The following SLC38A6 variants were observed in gnomAD, a reference collection of about 807,000 sequenced individuals.
The protein encoded by SLC38A6 is solute carrier family 38 member 6.
Under a neutral mutation model 65.0 loss-of-function variants are expected in SLC38A6, and 73 were observed. That is an observed-to-expected ratio of 1.12 (90% CI 0.93 to 1.37). The LOEUF (loss-of-function observed/expected upper bound fraction) is 1.37, where lower values mean the gene tolerates loss of function less well. Ranked by LOEUF, SLC38A6 falls within the 40% of genes most tolerant of loss-of-function variation. SLC38A6 has a pLI of 0.00. For synonymous variants in SLC38A6, 183 were observed against 178.8 expected (o/e 1.02, Z -0.19); for missense variants, 561 against 531.1 (o/e 1.06, Z -0.55).
intron 2 of SLC38A6, among the ~76,000 whole-genome samples, chr14:60,984,435 CT>C (rs2037301094): frequency 2.6e-5 from 4 of 151,434 alleles, no homozygotes; most frequent in Non-Finnish European, 5.9e-5. Context: ...TATTTAATGG[CT>C]GATTCAGCAG....
chr14:61,014,824 G>A (rs1311183613), intron 3 of SLC38A6, among the ~76,000 whole-genome samples: 5 of 152,160 alleles, frequency 3.3e-5, no homozygotes, highest in Admixed American at 1.3e-4. Context: ...TAGGCTCCTC[G>A]GGGGTCAGGG....
intron 12 of SLC38A6, chr14:61,048,168 G>A (rs1261175928): frequency 6.6e-6 from 3 of 453,016 alleles, no homozygotes; most frequent in African/African-American, 4.0e-5. Context: ...GGAGCTTTGT[G>A]TCATAGGAAG....
intron 15 of SLC38A6, among the ~76,000 whole-genome samples, chr14:61,075,831 G>A (rs1485024479): frequency 2.0e-5 from 2 of 102,180 alleles, no homozygotes; most frequent in Non-Finnish European, 4.3e-5. Context: ...GTGTGTGTGT[G>A]TATGTATTTG....
At chr14:60,981,457 A>C (rs1258535432) in intron 1 of SLC38A6, 75 bp downstream of exon 1, 1 of 1,544,692 alleles carries the variant, frequency 6.5e-7, no homozygotes, top group Admixed American at 2.0e-5. Flanking sequence ...TAAGACCCAG[A>C]AAAGGAGGAC....
chr14:60,982,158 T>A, intron 1 of SLC38A6: 1 of 463,122 alleles, frequency 2.2e-6, no homozygotes, highest in East Asian at 6.8e-5. Flanking sequence ...TCAGCAATTC[T>A]TTAGTAATCA....
rs747708193 is a variant in SLC38A6, at chr14:60,984,760, T to C, written c.267T>C (p.Ala89=). 1 of 1,614,048 alleles carries C rather than the reference T, an allele frequency of 6.2e-7. No individual in the cohort carries two copies. Among genetic ancestry groups the C allele is most frequent in the South Asian group, 1.1e-5 (1 of 91,080 alleles). Residue 89 remains alanine, a synonymous_variant, in exon 3 of 16, where the codon GCT becomes GCC. Coordinates refer to ENST00000267488, the MANE Select transcript of SLC38A6 (RefSeq NM_153811.3). ...TGCTGCTGACAGTTGCTCTCCTGGCTTCTTACTCAGTCCATCTTCTGCTTA... is the reference window on the plus strand; with the variant it reads ...TGCTGCTGACAGTTGCTCTCCTGGCCTCTTACTCAGTCCATCTTCTGCTTA... The part of the protein sequence containing the change: ...SFLLLTVALL[A]SYSVHLLLSM...
chr14:61,044,474 G>T (rs1041160886), intron 10 of SLC38A6, among the ~76,000 whole-genome samples: 10 of 152,122 alleles, frequency 6.6e-5, no homozygotes, highest in African/African-American at 2.2e-4. Context: ...CATTTTCCTA[G>T]TCCAGCCTCA....
At chr14:61,053,721 A>G (rs183222933), downstream of SLC38A6, among the ~76,000 whole-genome samples, 21 of 152,236 alleles carry the variant, frequency 1.4e-4, no homozygotes, top group African/African-American at 5.1e-4. Context: ...TCCTTTGCCC[A>G]CTTTTTAATG....
At chr14:61,068,793 A>G (rs2043116975) in intron 15 of SLC38A6, among the ~76,000 whole-genome samples, 1 of 152,180 alleles carries the variant, frequency 6.6e-6, no homozygotes, top group Non-Finnish European at 1.5e-5. Context: ...TTTATAACCA[A>G]ATCCTCAGAG....
chr14:61,052,267 A>G, intron 15 of SLC38A6, 82 bp from the exon 16 acceptor site: 1 of 1,332,656 alleles, frequency 7.5e-7, no homozygotes. Flanking sequence ...GAGAGTAGAG[A>G]TTTAACAAAT....
At chr14:60,994,766 G>A (rs1357066979) in intron 3 of SLC38A6, among the ~76,000 whole-genome samples, 5 of 150,272 alleles carry the variant, frequency 3.3e-5, no homozygotes, top group African/African-American at 9.8e-5. Context: ...CACTTTGGGA[G>A]GCCGAGGTGG....
chr14:61,054,862 G>A (rs183790650), downstream of SLC38A6, among the ~76,000 whole-genome samples: 2 of 152,082 alleles, frequency 1.3e-5, no homozygotes, highest in East Asian at 1.9e-4. Flanking sequence ...TCTTTCTCTT[G>A]CCTGACTGCT....
intron 15 of SLC38A6, among the ~76,000 whole-genome samples, chr14:61,063,975 A>T (rs540109908): frequency 7.1e-4 from 108 of 152,380 alleles, no homozygotes; most frequent in Non-Finnish European, 1.1e-3. Context: ...ATCTGGACCA[A>T]TGAAATGAGT....
intron 15 of SLC38A6, among the ~76,000 whole-genome samples, chr14:61,062,606 C>T (rs1224588505): frequency 6.6e-6 from 1 of 151,994 alleles, no homozygotes; most frequent in Non-Finnish European, 1.5e-5. Flanking sequence ...GGACTGCAGG[C>T]ACATACCACC....
At chr14:61,034,181 A>T (rs2041187330) in intron 6 of SLC38A6, 1 of 152,122 alleles carries the variant, frequency 6.6e-6, no homozygotes, top group Non-Finnish European at 1.5e-5. Context: ...GACATAAATG[A>T]ATTGTGATCT....
rs1328299739 is a variant in SLC38A6 at position 60,981,351 on chromosome 14, A to G, written c.74A>G (p.Glu25Gly). The change falls in exon 1 of 16, where the codon GAG becomes GGG. Residue 25 changes from glutamate to glycine, a missense_variant. Physicochemically the swap from Glu to Gly is moderately conservative, Grantham distance 98. Coordinates refer to ENST00000267488, the MANE Select transcript of SLC38A6 (RefSeq NM_153811.3). ...TCTGTCCAGCAGCCTGAAGAAGCGG[A>G]GGCCGAAGAGTTGAGTCCGTTGCTA... ...YVSVQQPEEA[E>G]AEELSPLLSN... 6 of 1,609,068 alleles carry G rather than the reference A, an allele frequency of 3.7e-6. No homozygotes were observed. The Admixed American group carries it at 1.0e-4, about 27-fold the overall frequency.
chr14:61,066,558 A>G (rs2043024609), intron 15 of SLC38A6, among the ~76,000 whole-genome samples: 1 of 152,170 alleles, frequency 6.6e-6, no homozygotes. Context: ...ACATTGTAAT[A>G]TGGGATGCTA....
chr14:61,013,624 T>C (rs2039757181), intron 3 of SLC38A6, among the ~76,000 whole-genome samples: 1 of 152,202 alleles, frequency 6.6e-6, no homozygotes, highest in South Asian at 2.1e-4. Flanking sequence ...TAAAGGATTT[T>C]ATTTCTCCTT....
chr14:61,019,592 C>T lies in SLC38A6; in HGVS notation c.403+12C>T. 1 of 1,611,988 alleles carries T rather than the reference C, an allele frequency of 6.2e-7. No individual in the cohort carries two copies. The highest frequency in any genetic ancestry group is 8.5e-7 in the Non-Finnish European group (1 of 1,178,264). On this transcript the variant is annotated intron_variant, in intron 5 of 15. Transcript: ENST00000267488. Reference sequence around the variant, plus strand: ...TCAGAATATTGGAGGTAAGCAATTGCAAGTGCACTGTTTATACATAAATGT... The same window carrying T: ...TCAGAATATTGGAGGTAAGCAATTGTAAGTGCACTGTTTATACATAAATGT...
Sources: gnomAD v4.1 joint callset for allele counts (sites outside exome capture counted in the v4.1 genomes callset) on GRCh38, gnomAD v4.1.1 for gene constraint, MANE v1.5 for transcripts, NCBI Gene and HGNC (gene_info 2026-07-23, HGNC 2026-07-21) for gene names.